MED13L: variants seen among roughly 807,000 people sequenced by gnomAD.
MED13L encodes the protein mediator of RNA polymerase II transcription subunit 13-like.
MED13L carries 7 observed loss-of-function variants against 220.9 expected under a neutral mutation model. That is an observed-to-expected ratio of 0.03 (90% CI 0.02 to 0.06). The LOEUF is 0.06. Ranked by LOEUF, MED13L falls within the 10% of genes least tolerant of loss-of-function variation. MED13L has a pLI of 1.00. For missense variants in MED13L, 1,965 were observed against 2,760.5 expected (o/e 0.71, Z 6.46); for synonymous variants, 1,011 against 1,015.2 (o/e 1.00, Z 0.08).
intron 2 of MED13L, among the ~76,000 whole-genome samples, chr12:116,134,124 A>T (rs1488115856): frequency 1.3e-5 from 2 of 152,172 alleles, no homozygotes; most frequent in Non-Finnish European, 2.9e-5. Context: ...CTGAGTTTTG[A>T]TATTAGATGA....
At chr12:116,009,241 G>A in intron 9 of MED13L, 109 bp from the exon 10 acceptor site, 2 of 1,068,904 alleles carry the variant, frequency 1.9e-6, no homozygotes, top group Non-Finnish European at 2.7e-6. Context: ...ATATAAAAGG[G>A]CTCTAAGTTT....
chr12:116,018,987 AC>A (rs1879894094), intron 7 of MED13L, among the ~76,000 whole-genome samples: 1 of 152,180 alleles, frequency 6.6e-6, no homozygotes, highest in Non-Finnish European at 1.5e-5. Context: ...GCAAACTTTA[AC>A]AGAATCTAAA....
intron 3 of MED13L, 148 bp downstream of exon 3, chr12:116,111,280 A>G: frequency 1.4e-6 from 1 of 697,550 alleles, no homozygotes; most frequent in Non-Finnish European, 2.5e-6. Context: ...AATTATATCA[A>G]TAGAAAGAGA....
At chr12:115,969,529 T>C (rs974376938) in intron 27 of MED13L, among the ~76,000 whole-genome samples, 3 of 151,856 alleles carry the variant, frequency 2.0e-5, no homozygotes, top group Non-Finnish European at 4.4e-5. Context: ...GAACTTGCCC[T>C]GAAAATGGAG....
intron 12 of MED13L, 130 bp downstream of exon 12, chr12:116,006,176 C>G (rs1003576825): frequency 4.0e-6 from 5 of 1,247,302 alleles, no homozygotes; most frequent in Non-Finnish European, 5.7e-6. Context: ...GAAAAACAAA[C>G]TATGAAAAAT....
At chr12:116,272,888 G>C (rs1873498625) in intron 1 of MED13L, among the ~76,000 whole-genome samples, 1 of 152,068 alleles carries the variant, frequency 6.6e-6, no homozygotes, top group South Asian at 2.1e-4. Flanking sequence ...AGGTTAATAT[G>C]GCAACTATTA....
In MED13L at chr12:116,214,722, CA is replaced by C. The variant is rs978455447; in HGVS notation, c.310+22745del. ...TCACTTCACTCAACATGCTCAGAAG[CA>C]AAAAACCAGTACAGTTCACATTGCA... On this transcript the variant is annotated intron_variant, in intron 2 of 30. Transcript: ENST00000281928. Among the ~76,000 whole-genome samples, 12 of 152,172 alleles carry C rather than the reference CA, an allele frequency of 7.9e-5. No individual in the cohort carries two copies. In the East Asian group the frequency reaches 1.5e-3, roughly 20 times the overall value.
intron 1 of MED13L, chr12:116,276,765 G>A (rs760972013): frequency 7.6e-7 from 1 of 1,307,820 alleles, no homozygotes; most frequent in African/African-American, 1.5e-5. Context: ...TTGCAACAGA[G>A]GGTGGGCGTT....
chr12:116,163,683 G>A (rs1274927404), intron 2 of MED13L, among the ~76,000 whole-genome samples: 2 of 151,890 alleles, frequency 1.3e-5, no homozygotes, highest in Non-Finnish European at 2.9e-5. Flanking sequence ...TATTGAAAAG[G>A]GTATTTACAA....
intron 25 of MED13L, among the ~76,000 whole-genome samples, chr12:115,973,939 T>C (rs1043495882): frequency 2.2e-4 from 33 of 152,184 alleles, no homozygotes; most frequent in Admixed American, 7.9e-4. Context: ...TTAACCTGCA[T>C]TGTAGGAAGC....
At chr12:116,249,980 A>C (rs1313359229) in intron 1 of MED13L, among the ~76,000 whole-genome samples, 1 of 149,520 alleles carries the variant, frequency 6.7e-6, no homozygotes, top group Non-Finnish European at 1.5e-5. Flanking sequence ...GAAATCAATA[A>C]ACCTATGATC....
chr12:116,031,462 G>C, intron 4 of MED13L, among the ~76,000 whole-genome samples: 1 of 150,992 alleles, frequency 6.6e-6, no homozygotes, highest in Non-Finnish European at 1.5e-5. Flanking sequence ...CATGGTGGCG[G>C]GCGCCTGTGG....
At chr12:116,209,034 G>C (rs1264895493) in intron 2 of MED13L, among the ~76,000 whole-genome samples, 1 of 152,110 alleles carries the variant, frequency 6.6e-6, no homozygotes, top group African/African-American at 2.4e-5. Flanking sequence ...TTCAAAGTAT[G>C]AGGTAAAAAA....
At chr12:116,271,507 T>C (rs886986503) in intron 1 of MED13L, among the ~76,000 whole-genome samples, 2 of 150,562 alleles carry the variant, frequency 1.3e-5, no homozygotes, top group Admixed American at 1.3e-4. Flanking sequence ...GGCAGGAGAA[T>C]GGCGTGAACC....
Position 115,982,465 on chromosome 12 carries a change from A to G in MED13L, c.5094T>C (p.Phe1698=). The part of the protein sequence containing the change: ...AAEEDSTSGN[F]WLLSLMRCYT... Reference sequence around the variant, plus strand: ...AGCAGCGCATCAAGCTCAACAGCCAAAAGTTCCCAGAAGTGGAGTCCTCCT... The same window carrying G: ...AGCAGCGCATCAAGCTCAACAGCCAGAAGTTCCCAGAAGTGGAGTCCTCCT... The change falls in exon 22 of 31, where the codon TTT becomes TTC. Residue 1698 remains phenylalanine, a synonymous_variant. Transcript: ENST00000281928. The G allele has an allele frequency of 6.2e-7, 1 of 1,614,174 alleles. No individual in the cohort carries two copies.
chr12:116,128,372 G>A (rs1875776078), intron 2 of MED13L, among the ~76,000 whole-genome samples: 1 of 151,702 alleles, frequency 6.6e-6, no homozygotes, highest in Admixed American at 6.6e-5. Context: ...TCTTCCTACT[G>A]ACAATTGAAG....
At chr12:116,113,560 C>T (rs1454568490) in intron 2 of MED13L, among the ~76,000 whole-genome samples, 1 of 149,782 alleles carries the variant, frequency 6.7e-6, no homozygotes, top group Admixed American at 6.7e-5. Flanking sequence ...GACGCTGAGG[C>T]GAGAGTATTG....
intron 3 of MED13L, among the ~76,000 whole-genome samples, chr12:116,102,671 C>G (rs1234187953): frequency 1.3e-5 from 2 of 150,404 alleles, no homozygotes; most frequent in African/African-American, 4.9e-5. Flanking sequence ...GAAACCTTTC[C>G]CGAGTAATCC....
At chr12:115,990,161 T>C (rs1417204235) in intron 17 of MED13L, among the ~76,000 whole-genome samples, 2 of 152,172 alleles carry the variant, frequency 1.3e-5, no homozygotes, top group Non-Finnish European at 2.9e-5. Context: ...CTGGGACACA[T>C]GCCTCGCTCC....
Sources: allele counts gnomAD v4.1 joint callset (sites outside exome capture counted in the v4.1 genomes callset), GRCh38; gene constraint gnomAD v4.1.1; transcripts MANE v1.5; gene names NCBI Gene and HGNC (gene_info 2026-07-23, HGNC 2026-07-21).